Variants in PTPRB observed in about 807,000 individuals in gnomAD.
PTPRB encodes protein tyrosine phosphatase receptor type B, also known as receptor-type tyrosine-protein phosphatase beta.
Under a neutral mutation model 238.1 loss-of-function variants are expected in PTPRB, and 97 were observed. The observed-to-expected ratio is 0.41, with a 90% confidence interval of 0.35 to 0.48. PTPRB has a LOEUF of 0.48. Ranked by LOEUF, PTPRB falls within the 20% of genes least tolerant of loss-of-function variation. PTPRB has a pLI of 0.30. For synonymous variants in PTPRB, 970 were observed against 995.4 expected, an observed-to-expected ratio of 0.97 and a Z score of 0.48; for missense variants, 2,292 against 2,681.9, an observed-to-expected ratio of 0.85 and a Z score of 3.21.
intron 32 of PTPRB, among the ~76,000 whole-genome samples, chr12:70,531,453 C>CTAGTA (rs1167503112): frequency 6.6e-6 from 1 of 152,078 alleles, no homozygotes; most frequent in African/African-American, 2.4e-5. Flanking sequence ...GACCCTGAGG[C>CTAGTA]TAGTACGCTT....
In PTPRB at chr12:70,537,284, C is replaced by CA. The variant is rs58633138; in HGVS notation, c.5946+870dup. Among the ~76,000 whole-genome samples, 596 of 90,632 alleles carry CA rather than the reference C, an allele frequency of 6.6e-3. 2 individuals are homozygous for CA. Among genetic ancestry groups the CA allele is most frequent in the South Asian group, 0.031 (71 of 2,324 alleles). 59.5% of individuals were successfully genotyped at this position (90,632 alleles called of 152,430 possible). On this transcript the variant is annotated intron_variant, in intron 28 of 33. Transcript: ENST00000334414. ...CCTGGCAGACAGAGCAAGACCATCT[C>CA]AAAAAAAAAAAAAAAAAAAAAAAAG...
intron 10 of PTPRB, 96 bp downstream of exon 10, chr12:70,580,940 T>C (rs1008323623): frequency 2.2e-6 from 3 of 1,372,698 alleles, no homozygotes; most frequent in Non-Finnish European, 3.0e-6. Context: ...AGGCCAGGGA[T>C]GAGTCTGATT....
rs187795438 is a variant in PTPRB, at chr12:70,569,957, T to C, written c.3371-19A>G. The C allele has an allele frequency of 1.7e-5, 27 of 1,583,066 alleles. No homozygotes were observed. The highest frequency in any genetic ancestry group is 2.3e-5 in the Non-Finnish European group (27 of 1,154,702). On this transcript the variant is annotated intron_variant, in intron 13 of 33. Transcript: ENST00000334414. ...CTAGGAACTAAAACAGAAAATAAAT[T>C]TAAAAGTCATCACTTAGAGAATGAA...
intron 22 of PTPRB, among the ~76,000 whole-genome samples, chr12:70,544,236 TGA>T (rs1875615448): frequency 6.6e-6 from 1 of 152,216 alleles, no homozygotes; most frequent in Admixed American, 6.5e-5. Flanking sequence ...CACTTTTAAC[TGA>T]AAGTGTTTTG....
intron 7 of PTPRB, 82 bp downstream of exon 7, chr12:70,592,200 T>G (rs746340651): frequency 1.3e-6 from 2 of 1,578,636 alleles, no homozygotes; most frequent in Non-Finnish European, 8.7e-7. Flanking sequence ...GGAGTTTTCC[T>G]GCTGACTTAT....
intron 11 of PTPRB, among the ~76,000 whole-genome samples, chr12:70,574,352 C>CAAGGTG (rs1246760887): frequency 5.3e-5 from 8 of 152,170 alleles, no homozygotes; most frequent in Non-Finnish European, 5.9e-5. Context: ...AGATATGGAG[C>CAAGGTG]AAGGACAGAT....
At chr12:70,576,677 G>GGGGGGGGGGGGGA in intron 10 of PTPRB, 32 bp from the exon 11 acceptor site, 1 of 233,644 alleles carries the variant, frequency 4.3e-6, no homozygotes, top group Non-Finnish European at 7.9e-6. Flanking sequence ...GGCGGGGGGG[G>GGGGGGGGGGGGGA]GGGGGAAGGG....
intron 18 of PTPRB, 43 bp from the exon 19 acceptor site, chr12:70,556,191 G>A: frequency 6.7e-7 from 1 of 1,490,390 alleles, no homozygotes; most frequent in South Asian, 1.2e-5. Context: ...AACTCAGGGA[G>A]AATTTTTTTT....
intron 21 of PTPRB, among the ~76,000 whole-genome samples, chr12:70,551,181 C>T (rs906325580): frequency 1.3e-5 from 2 of 152,234 alleles, no homozygotes; most frequent in Admixed American, 6.5e-5. Context: ...CAGGCGTGAG[C>T]CTCCACGCCC....
chr12:70,564,992 T>A (rs1041195596), intron 15 of PTPRB, among the ~76,000 whole-genome samples: 3 of 152,094 alleles, frequency 2.0e-5, no homozygotes, highest in African/African-American at 7.2e-5. Flanking sequence ...CATCTTTTAC[T>A]TATTTATTTT....
chr12:70,608,449 T>C (rs1348741349), intron 4 of PTPRB, among the ~76,000 whole-genome samples: 3 of 152,070 alleles, frequency 2.0e-5, no homozygotes, highest in African/African-American at 4.8e-5. Context: ...TCTGAACATA[T>C]CCACATGGAG....
chr12:70,521,848 AT>A (rs1286702702), intron 33 of PTPRB, among the ~76,000 whole-genome samples: 1 of 152,176 alleles, frequency 6.6e-6, no homozygotes. Flanking sequence ...CGTGGTGGTT[AT>A]CCTTTTCTAT....
intron 31 of PTPRB, among the ~76,000 whole-genome samples, chr12:70,533,901 C>A (rs1873680287): frequency 6.6e-6 from 1 of 152,196 alleles, no homozygotes; most frequent in Non-Finnish European, 1.5e-5. Context: ...GGACTTCCAG[C>A]CTCTAGACTA....
chr12:70,578,212 C>T (rs1399287445), intron 10 of PTPRB, among the ~76,000 whole-genome samples: 1 of 152,082 alleles, frequency 6.6e-6, no homozygotes, highest in East Asian at 1.9e-4. Context: ...CTTATCTGGG[C>T]TGGGAGGGTT....
chr12:70,566,288 G>T (rs1879284465), intron 15 of PTPRB, 147 bp downstream of exon 15: 2 of 1,026,950 alleles, frequency 1.9e-6, no homozygotes, highest in African/African-American at 1.6e-5. Context: ...AACTGACATG[G>T]AAGTGGCAAA....
chr12:70,586,678 T>G (rs1881943674), intron 9 of PTPRB, among the ~76,000 whole-genome samples: 1 of 152,228 alleles, frequency 6.6e-6, no homozygotes, highest in African/African-American at 2.4e-5. Flanking sequence ...TTATTTCTTC[T>G]GCCTTTAAAA....
rs573753466 is a variant in PTPRB, at chr12:70,586,928, G to A, written c.2311+79C>T. The stretch of plus-strand genomic sequence containing the variant: ...GCCCAGTACATAATAGGCAGTTAAT[G>A]AATACTTGTAAATTGCATGTTAAAT... On this transcript the variant is annotated intron_variant, in intron 9 of 33. Transcript: ENST00000334414. 273 of 1,395,584 alleles carry A rather than the reference G, an allele frequency of 2.0e-4. 1 individual carries two copies. The African/African-American group carries it at 3.7e-3, about 19-fold the overall frequency. 86.5% of individuals were successfully genotyped at this position (1,395,584 alleles called of 1,614,324 possible). A position where few individuals can be genotyped will look rare whatever the true frequency, so the allele number is the denominator to read the frequency against.
chr12:70,519,927 G>T lies in PTPRB; in HGVS notation c.*1562C>A, dbSNP rs961016391. The T allele has an allele frequency of 2.9e-5, 5 of 173,024 alleles. No homozygotes were observed. Among genetic ancestry groups the T allele is most frequent in the East Asian group, 3.5e-4 (2 of 5,742 alleles). 10.7% of individuals were successfully genotyped at this position (173,024 alleles called of 1,614,324 possible). The stretch of plus-strand genomic sequence containing the variant: ...GGGTGTAGAGTTATTTAATTATAAA[G>T]AACTATTTTAGGTATAGTCAATGAT... On this transcript the variant is annotated 3_prime_UTR_variant, in exon 34 of 34. Coordinates refer to ENST00000334414, the MANE Select transcript of PTPRB (RefSeq NM_001109754.4).
intron 22 of PTPRB, chr12:70,541,192 AGTTAAT>A (rs1325998467): frequency 2.4e-6 from 1 of 413,496 alleles, no homozygotes; most frequent in Non-Finnish European, 4.3e-6. Flanking sequence ...ATACTTTTGA[AGTTAAT>A]GTTGCATAGC....
Sources: allele counts gnomAD v4.1 joint callset (sites outside exome capture counted in the v4.1 genomes callset), GRCh38; gene constraint gnomAD v4.1.1; transcripts MANE v1.5; gene names NCBI Gene and HGNC (gene_info 2026-07-23, HGNC 2026-07-21).